ENTREP2: variants seen among roughly 807,000 people sequenced by gnomAD.
ENTREP2 encodes the protein endosomal transmembrane epsin interactor 2.
chr15:29,475,955 C>A, the ENTREP2 span, among the ~76,000 whole-genome samples: 4 of 152,170 alleles, frequency 2.6e-5, no homozygotes, highest in Admixed American at 6.5e-5. Flanking sequence ...GCTCATGAGA[C>A]AAGAGCCACT....
the ENTREP2 span, among the ~76,000 whole-genome samples, chr15:29,577,242 C>T: frequency 6.6e-6 from 1 of 151,342 alleles, no homozygotes; most frequent in Admixed American, 6.6e-5. Flanking sequence ...GCATGGTGAC[C>T]CCTCAAAAAA....
the ENTREP2 span, chr15:29,196,479 T>C: frequency 6.4e-7 from 1 of 1,551,764 alleles, no homozygotes; most frequent in South Asian, 1.2e-5. Context: ...CGGGTTCAGC[T>C]TCAGCGTCTC....
the ENTREP2 span, among the ~76,000 whole-genome samples, chr15:29,674,131 G>GGA: frequency 7.2e-6 from 1 of 139,362 alleles, no homozygotes; most frequent in Non-Finnish European, 1.5e-5. Flanking sequence ...CAGAGGATGG[G>GGA]GGGGGGGGGG....
chr15:29,472,275 A>T, the ENTREP2 span, among the ~76,000 whole-genome samples: 1 of 152,138 alleles, frequency 6.6e-6, no homozygotes, highest in Non-Finnish European at 1.5e-5. Flanking sequence ...ACAATTCAGG[A>T]AGAGGTGGCA....
the ENTREP2 span, among the ~76,000 whole-genome samples, chr15:29,487,294 C>A: frequency 6.6e-6 from 1 of 152,074 alleles, no homozygotes; most frequent in Non-Finnish European, 1.5e-5. Flanking sequence ...CTGAGAAGAC[C>A]CCAGTCTTTC....
At chr15:29,596,172 AC>A in the ENTREP2 span, among the ~76,000 whole-genome samples, 1 of 152,236 alleles carries the variant, frequency 6.6e-6, no homozygotes, top group Non-Finnish European at 1.5e-5. Context: ...TTTTGCTGTT[AC>A]TTTTAATGTA....
At chr15:29,482,460 G>A in the ENTREP2 span, among the ~76,000 whole-genome samples, 2 of 152,150 alleles carry the variant, frequency 1.3e-5, no homozygotes, top group South Asian at 4.1e-4. Context: ...AGTATCTTAA[G>A]AGACAGTTTC....
the ENTREP2 span, among the ~76,000 whole-genome samples, chr15:29,307,681 C>T: frequency 5.9e-5 from 9 of 152,138 alleles, no homozygotes; most frequent in African/African-American, 2.2e-4. Flanking sequence ...GGTCCTGACC[C>T]ACAAGGATTG....
chr15:29,297,270 G>A, the ENTREP2 span, among the ~76,000 whole-genome samples: 3 of 152,074 alleles, frequency 2.0e-5, no homozygotes, highest in Admixed American at 6.5e-5. Flanking sequence ...ACTGACAAAA[G>A]ACATATGGAA....
At chr15:29,618,778 C>A in the ENTREP2 span, among the ~76,000 whole-genome samples, 415 of 152,260 alleles carry the variant, frequency 2.7e-3, 1 homozygote, top group African/African-American at 9.5e-3. Flanking sequence ...CATGGCCCTC[C>A]CACCCCAGGG....
chr15:29,384,909 C>T, the ENTREP2 span, among the ~76,000 whole-genome samples: 4 of 152,180 alleles, frequency 2.6e-5, no homozygotes, highest in African/African-American at 7.2e-5. Context: ...ACTGGCCTCA[C>T]GCAGACTAAG....
At chr15:29,393,732 C>T in the ENTREP2 span, among the ~76,000 whole-genome samples, 3,368 of 106,204 alleles carry the variant, frequency 0.032, 111 homozygotes, top group African/African-American at 0.087. Context: ...TGAATAGAGG[C>T]TACTTTTATT....
the ENTREP2 span, among the ~76,000 whole-genome samples, chr15:29,477,313 G>A: frequency 1.1e-4 from 17 of 152,138 alleles, no homozygotes; most frequent in Non-Finnish European, 4.4e-5. Flanking sequence ...CTGCCTTTGG[G>A]TGCCGGCTAC....
the ENTREP2 span, among the ~76,000 whole-genome samples, chr15:29,360,453 G>A: frequency 1.3e-5 from 2 of 152,168 alleles, no homozygotes; most frequent in South Asian, 4.1e-4. Context: ...GTCAAGAACA[G>A]ACTGAACACG....
the ENTREP2 span, chr15:29,151,681 A>G: frequency 7.2e-7 from 1 of 1,384,044 alleles, no homozygotes; most frequent in Non-Finnish European, 1.0e-6. Context: ...AGAAGCGTCC[A>G]CTCCTACACT....
At chr15:29,154,629 A>G in the ENTREP2 span, among the ~76,000 whole-genome samples, 2 of 152,234 alleles carry the variant, frequency 1.3e-5, no homozygotes, top group South Asian at 4.1e-4. Flanking sequence ...GGGGTTGGCA[A>G]GTGCTCAAGA....
the ENTREP2 span, among the ~76,000 whole-genome samples, chr15:29,537,058 C>G: frequency 6.6e-6 from 1 of 152,186 alleles, no homozygotes; most frequent in African/African-American, 2.4e-5. Context: ...CAAGCTAATA[C>G]ACCTTCTTTC....
chr15:29,360,188 T>C, the ENTREP2 span, among the ~76,000 whole-genome samples: 1 of 152,224 alleles, frequency 6.6e-6, no homozygotes, highest in Non-Finnish European at 1.5e-5. Flanking sequence ...TACTTCACAG[T>C]TATAATAATT....
At chr15:29,650,828 G>A in the ENTREP2 span, among the ~76,000 whole-genome samples, 1 of 152,068 alleles carries the variant, frequency 6.6e-6, no homozygotes. Context: ...GAGCAACATA[G>A]CAAGACCCTG....
Sources: gnomAD v4.1 joint callset for allele counts (sites outside exome capture counted in the v4.1 genomes callset) on GRCh38, gnomAD v4.1.1 for gene constraint, MANE v1.5 for transcripts, NCBI Gene and HGNC (gene_info 2026-07-23, HGNC 2026-07-21) for gene names.